The following TNR variants were observed in gnomAD, a reference collection of about 807,000 sequenced individuals.
TNR encodes tenascin-R.
In TNR, 45 loss-of-function variants were observed where a neutral mutation model predicts 150.4. The observed-to-expected ratio is 0.30, with a 90% CI of 0.24 to 0.38. The LOEUF (loss-of-function observed/expected upper bound fraction) is 0.38. TNR is among the 10% of genes least tolerant of loss of function. The pLI, the probability that TNR is intolerant of heterozygous loss-of-function variation, is 1.00. For synonymous variants in TNR, 687 were observed against 678.4 expected, an observed-to-expected ratio of 1.01 and a Z score of -0.20; for missense variants, 1,544 against 1,759.1, an observed-to-expected ratio of 0.88 and a Z score of 2.19.
intron 18 of TNR, among the ~76,000 whole-genome samples, chr1:175,344,890 G>T (rs996551747): frequency 3.9e-5 from 6 of 151,978 alleles, no homozygotes; most frequent in Non-Finnish European, 8.8e-5. Flanking sequence ...AACAAAAACA[G>T]AACCAAAAAC....
intron 2 of TNR, among the ~76,000 whole-genome samples, chr1:175,418,044 T>C (rs754395545): frequency 1.2e-4 from 19 of 152,194 alleles, no homozygotes; most frequent in Non-Finnish European, 2.9e-5. Context: ...TACCTTCTAG[T>C]GCATGAAATA....
At chr1:175,555,463 C>G (rs1661115333) in intron 1 of TNR, among the ~76,000 whole-genome samples, 1 of 151,188 alleles carries the variant, frequency 6.6e-6, no homozygotes, top group Non-Finnish European at 1.5e-5. Flanking sequence ...TGTGGCTCGC[C>G]CACACTGCCT....
At chr1:175,438,827 G>A (rs1016811484) in intron 2 of TNR, among the ~76,000 whole-genome samples, 2 of 151,968 alleles carry the variant, frequency 1.3e-5, no homozygotes, top group Non-Finnish European at 2.9e-5. Context: ...GGGATGTGAA[G>A]GACTTCTTCA....
chr1:175,548,122 A>G (rs1358406388), intron 1 of TNR, among the ~76,000 whole-genome samples: 1 of 152,186 alleles, frequency 6.6e-6, no homozygotes, highest in Non-Finnish European at 1.5e-5. Flanking sequence ...CAGGTGGACC[A>G]TGCATCTGGC....
At chr1:175,706,562 C>A (rs1463018338) in intron 1 of TNR, among the ~76,000 whole-genome samples, 2 of 152,162 alleles carry the variant, frequency 1.3e-5, no homozygotes, top group African/African-American at 4.8e-5. Flanking sequence ...TCTTTCCCAG[C>A]ATCTGTTCAG....
At chr1:175,642,002 T>C (rs1010387316) in intron 1 of TNR, among the ~76,000 whole-genome samples, 7 of 152,170 alleles carry the variant, frequency 4.6e-5, no homozygotes, top group Admixed American at 4.6e-4. Context: ...GTCCCTGCTA[T>C]CAAGTAGGTC....
intron 2 of TNR, among the ~76,000 whole-genome samples, chr1:175,462,350 A>G (rs1315974504): frequency 6.6e-6 from 1 of 152,226 alleles, no homozygotes; most frequent in Non-Finnish European, 1.5e-5. Flanking sequence ...GACATGAGTC[A>G]AAGATCAGTC....
chr1:175,358,305 A>G (rs1651423191), intron 15 of TNR, among the ~76,000 whole-genome samples: 1 of 152,194 alleles, frequency 6.6e-6, no homozygotes, highest in Non-Finnish European at 1.5e-5. Flanking sequence ...TTCCATGTTA[A>G]CTAAGGACTA....
At chr1:175,455,173 C>T (rs891605753) in intron 2 of TNR, among the ~76,000 whole-genome samples, 57 of 152,288 alleles carry the variant, frequency 3.7e-4, no homozygotes, top group African/African-American at 8.7e-4. Flanking sequence ...ACAGATCCTC[C>T]GGTCCCCAAG....
At chr1:175,406,874 A>G in intron 2 of TNR, 97 bp from the exon 3 acceptor site, 1 of 833,708 alleles carries the variant, frequency 1.2e-6, no homozygotes, top group Admixed American at 3.6e-5. Context: ...AGGCAGCCAG[A>G]GATTTTCAAG....
chr1:175,735,617 C>T (rs994809493), intron 1 of TNR, among the ~76,000 whole-genome samples: 3 of 152,184 alleles, frequency 2.0e-5, no homozygotes, highest in African/African-American at 7.2e-5. Context: ...AAACTCAAGC[C>T]TTTGAAATTG....
chr1:175,546,673 G>A (rs887223016), intron 1 of TNR, among the ~76,000 whole-genome samples: 5 of 152,160 alleles, frequency 3.3e-5, no homozygotes, highest in Non-Finnish European at 7.3e-5. Context: ...TCGAGTCTGT[G>A]GGACATGGTG....
At chr1:175,581,255 G>A (rs1030975540) in intron 1 of TNR, among the ~76,000 whole-genome samples, 1 of 152,148 alleles carries the variant, frequency 6.6e-6, no homozygotes, top group Non-Finnish European at 1.5e-5. Flanking sequence ...TCCAGAGCAG[G>A]GGTTGCTGGA....
chr1:175,491,154 G>T (rs1658229395), intron 2 of TNR, among the ~76,000 whole-genome samples: 2 of 151,536 alleles, frequency 1.3e-5, no homozygotes, highest in Admixed American at 1.3e-4. Context: ...TCACTTATAA[G>T]TGGGAGCTGA....
chr1:175,439,921 TTGG>T (rs914317718), intron 2 of TNR, among the ~76,000 whole-genome samples: 2 of 152,194 alleles, frequency 1.3e-5, no homozygotes, highest in African/African-American at 4.8e-5. Flanking sequence ...TTTTACACTG[TTGG>T]TGGGACTGTA....
At chr1:175,508,411 A>C (rs2102156575) in intron 2 of TNR, among the ~76,000 whole-genome samples, 1 of 152,290 alleles carries the variant, frequency 6.6e-6, no homozygotes, top group Non-Finnish European at 1.5e-5. Context: ...ACCCTTGTCT[A>C]ATTCCCTTCC....
chr1:175,702,761 T>G (rs1205606379), intron 1 of TNR, among the ~76,000 whole-genome samples: 1 of 152,244 alleles, frequency 6.6e-6, no homozygotes, highest in Non-Finnish European at 1.5e-5. Context: ...GAAAAACATC[T>G]GGAGCCATTA....
At chr1:175,424,494 C>G (rs578077471) in intron 2 of TNR, among the ~76,000 whole-genome samples, 37 of 152,282 alleles carry the variant, frequency 2.4e-4, no homozygotes, top group Non-Finnish European at 3.8e-4. Flanking sequence ...GTGTCTAAAC[C>G]CCACAGCTCT....
At chr1:175,685,501 TG>T (rs1666162479) in intron 1 of TNR, among the ~76,000 whole-genome samples, 1 of 152,190 alleles carries the variant, frequency 6.6e-6, no homozygotes, top group South Asian at 2.1e-4. Context: ...TGACCCCTGT[TG>T]GGCCCATGAG....
Sources: gnomAD v4.1 joint callset for allele counts (sites outside exome capture counted in the v4.1 genomes callset) on GRCh38, gnomAD v4.1.1 for gene constraint, MANE v1.5 for transcripts, NCBI Gene and HGNC (gene_info 2026-07-23, HGNC 2026-07-21) for gene names.